ZNF782: variants seen among roughly 807,000 people sequenced by gnomAD.
ZNF782 encodes zinc finger protein 782.
In ZNF782, 12 loss-of-function variants were observed where a neutral mutation model predicts 13.0. The observed-to-expected ratio is 0.92, with a 90% CI of 0.59 to 1.50. ZNF782 has a LOEUF of 1.50. Ranked by LOEUF, ZNF782 falls within the 40% of genes most tolerant of loss-of-function variation. The probability of loss-of-function intolerance (pLI) is 0.00; values close to 1 mark genes in which losing one functional copy is unlikely to be tolerated. For missense variants in ZNF782, 770 were observed against 822.9 expected (o/e 0.94, Z 0.79); for synonymous variants, 284 against 283.0 (o/e 1.00, Z -0.04).
At chr9:96,852,195 G>C (rs945411556) in intron 2 of ZNF782, among the ~76,000 whole-genome samples, 190 bp from the exon 3 acceptor site, 1 of 152,154 alleles carries the variant, frequency 6.6e-6, no homozygotes, top group Non-Finnish European at 1.5e-5. Flanking sequence ...AATAATTATG[G>C]GGCTTAAACT....
At position 96,844,407 on chromosome 9, in the gene ZNF782, G is replaced by A. The variant is rs1338606651; in HGVS notation, c.142+483C>T. Among the ~76,000 whole-genome samples the A allele has an allele frequency of 2.6e-5, 4 of 152,098 alleles. No homozygotes were observed. In the East Asian group the frequency reaches 5.8e-4, roughly 22 times the overall value. On this transcript the variant is annotated intron_variant, in intron 4 of 5. Transcript: ENST00000481138. Reference sequence around the variant, plus strand: ...ATACCCACAAAGCGGCACTACTTAGGATAAAATAATTAACCACTTATACAC... The same window carrying A: ...ATACCCACAAAGCGGCACTACTTAGAATAAAATAATTAACCACTTATACAC...
chr9:96,840,793 T>G (rs1851164585), intron 4 of ZNF782, among the ~76,000 whole-genome samples: 1 of 152,036 alleles, frequency 6.6e-6, no homozygotes, highest in South Asian at 2.1e-4. Flanking sequence ...GCACTAAATG[T>G]GTACGTTAGA....
the ZNF782 span, among the ~76,000 whole-genome samples, chr9:96,917,734 AT>A: frequency 1.3e-5 from 2 of 150,816 alleles, no homozygotes; most frequent in South Asian, 2.1e-4. Context: ...CCGACCAGAA[AT>A]TTTTTTTTAG....
chr9:96,884,761 G>C, the ZNF782 span, among the ~76,000 whole-genome samples: 8 of 152,154 alleles, frequency 5.3e-5, no homozygotes, highest in Admixed American at 5.2e-4. Flanking sequence ...TGGTTTGGAG[G>C]AGTCTATTAG....
chr9:96,818,817 G>T lies in ZNF782; in HGVS notation c.1206C>A (p.Ala402=). ...KPYECPECGK[A]FSEKSRLRKH... is the part of the protein sequence containing the mutation. ...TTCTTAGGCGTGACTTCTCACTGAAGGCTTTCCCGCACTCAGGACATTCAT... is the reference window on the plus strand; with the variant it reads ...TTCTTAGGCGTGACTTCTCACTGAATGCTTTCCCGCACTCAGGACATTCAT... Residue 402 remains alanine (A), a synonymous_variant, in exon 6 of 6, where the codon GCC becomes GCA. Transcript: ENST00000481138. The T allele has an allele frequency of 6.2e-7, 1 of 1,606,172 alleles. No homozygotes were observed. Among genetic ancestry groups the T allele is most frequent in the East Asian group, 2.3e-5 (1 of 44,414 alleles).
rs60984657 is a variant in ZNF782 at position 96,863,350 on chromosome 9, TAA to T, written c.-456-1749_-456-1748del. ...TGCAGGAATGGCCATAATTTAAAAA[TAA>T]AAAAAAAAAAATACATGTTGGCTTG... On this transcript the variant is annotated intron_variant, in intron 1 of 5. Coordinates refer to the ZNF782 transcript ENST00000498811. Among the ~76,000 whole-genome samples, 103 of 140,164 alleles carry T rather than the reference TAA, an allele frequency of 7.3e-4. 1 individual carries two copies. In the East Asian group the frequency reaches 0.014, roughly 19 times the overall value. 92.0% of individuals were successfully genotyped at this position (140,164 alleles called of 152,430 possible).
At chr9:96,868,797 T>A (rs2296816) in intron 1 of ZNF782, among the ~76,000 whole-genome samples, 1 of 152,166 alleles carries the variant, frequency 6.6e-6, no homozygotes, top group Non-Finnish European at 1.5e-5. Flanking sequence ...CTAGAGCATA[T>A]GACGGCTTTA....
At chr9:96,880,062 T>C (rs1444107931), upstream of ZNF782, among the ~76,000 whole-genome samples, 2 of 151,780 alleles carry the variant, frequency 1.3e-5, no homozygotes, top group Non-Finnish European at 1.5e-5. Flanking sequence ...GTAAATAACA[T>C]TATGTTTTTT....
chr9:96,918,060 C>A, the ZNF782 span, among the ~76,000 whole-genome samples: 7 of 151,106 alleles, frequency 4.6e-5, no homozygotes, highest in East Asian at 2.0e-4. Context: ...GAATTTATTG[C>A]GCACATTTAA....
the ZNF782 span, among the ~76,000 whole-genome samples, chr9:96,916,487 T>C: frequency 1.3e-5 from 2 of 150,638 alleles, no homozygotes; most frequent in African/African-American, 4.8e-5. Context: ...AGACTCTGTC[T>C]CTGGGAAAAA....
At chr9:96,868,736 T>C (rs1430236150) in intron 1 of ZNF782, among the ~76,000 whole-genome samples, 1 of 152,216 alleles carries the variant, frequency 6.6e-6, no homozygotes, top group Non-Finnish European at 1.5e-5. Context: ...TTGTGTTTCT[T>C]TCATCGATAG....
At position 96,850,427 on chromosome 9, in the gene ZNF782, T is replaced by C. The variant is rs1473021183; in HGVS notation, c.15+1520A>G. Among the ~76,000 whole-genome samples, 1 of 152,168 alleles carries C rather than the reference T, an allele frequency of 6.6e-6. No individual in the cohort carries two copies. The highest frequency in any genetic ancestry group is 1.5e-5 in the Non-Finnish European group (1 of 68,034). On this transcript the variant is annotated intron_variant, in intron 3 of 5. Transcript: ENST00000481138. The surrounding 1 kb of genome is among the most constrained non-coding windows in gnomAD (Gnocchi z 4.3). ...AAACCAAACCGTACGTTCTCACTTA[T>C]AAGTGGGAGCTAAGTTATGAGTATG...
At chr9:96,822,106 A>C (rs559194467) in intron 5 of ZNF782, among the ~76,000 whole-genome samples, 1 of 152,226 alleles carries the variant, frequency 6.6e-6, no homozygotes, top group East Asian at 1.9e-4. Context: ...AGTGTGCCTC[A>C]AAATTACCTC....
chr9:96,901,214 G>GT, the ZNF782 span, among the ~76,000 whole-genome samples: 3 of 150,588 alleles, frequency 2.0e-5, no homozygotes, highest in African/African-American at 7.3e-5. Context: ...TAAATAATTT[G>GT]TAAGTCATTA....
At chr9:96,822,281 A>T (rs765106808) in intron 5 of ZNF782, among the ~76,000 whole-genome samples, 7 of 152,080 alleles carry the variant, frequency 4.6e-5, no homozygotes, top group Non-Finnish European at 1.0e-4. Flanking sequence ...CAATATTATT[A>T]AAAATACTTA....
At position 96,818,937 on chromosome 9, in the gene ZNF782, C is replaced by G; in HGVS notation, c.1086G>C (p.Arg362Ser). 1 of 1,614,108 alleles carries G rather than the reference C, an allele frequency of 6.2e-7. No homozygotes were observed. The highest frequency in any genetic ancestry group is 8.5e-7 in the Non-Finnish European group (1 of 1,180,024). ...TFSVHQKVHI[R>S]AKPYEYNECG... ...ATTCATTATACTCATAGGGTTTTGC[C>G]CTTATGTGAACCTTCTGATGTACAC... is the stretch of plus-strand genomic sequence containing the variant. The change falls in exon 6 of 6, where the codon AGG (arginine) becomes AGC (serine). Residue 362 changes from arginine (R) to serine (S), a missense_variant. Physicochemically the swap from Arg to Ser is moderately radical, Grantham distance 110. Coordinates refer to ENST00000481138, the MANE Select transcript of ZNF782 (RefSeq NM_001001662.3).
the ZNF782 span, among the ~76,000 whole-genome samples, chr9:96,916,261 C>T: frequency 0.026 from 3,973 of 151,916 alleles, 99 homozygotes; most frequent in South Asian, 0.06. Context: ...GAGACTAAGG[C>T]GGGCGGATCA....
At chr9:96,852,174 G>C (rs1282858121) in intron 2 of ZNF782, among the ~76,000 whole-genome samples, 169 bp from the exon 3 acceptor site, 1 of 131,350 alleles carries the variant, frequency 7.6e-6, no homozygotes, top group East Asian at 1.9e-4. Context: ...CACTGTCTAC[G>C]ACAACTCTGA....
chr9:96,826,655 G>A (rs1850630864), intron 5 of ZNF782, among the ~76,000 whole-genome samples: 1 of 152,178 alleles, frequency 6.6e-6, no homozygotes, highest in Admixed American at 6.5e-5. Context: ...GCCCTTGGCT[G>A]GCATCTAGAA....
Sources: gnomAD v4.1 joint callset for allele counts (sites outside exome capture counted in the v4.1 genomes callset) on GRCh38, gnomAD v4.1.1 for gene constraint, Gnocchi (gnomAD v3.1) non-coding constraint, MANE v1.5 for transcripts, NCBI Gene and HGNC (gene_info 2026-07-23, HGNC 2026-07-21) for gene names.